ITPR3: variants seen among roughly 807,000 people sequenced by gnomAD.
ITPR3 encodes inositol 1,4,5-trisphosphate receptor type 3.
ITPR3 carries 173 observed loss-of-function variants against 293.2 expected under a neutral mutation model. That is an observed-to-expected ratio of 0.59 (90% CI 0.52 to 0.67). The LOEUF is 0.67. Ranked by LOEUF, ITPR3 falls within the 30% of genes least tolerant of loss-of-function variation. The pLI, the probability that ITPR3 is intolerant of heterozygous loss-of-function variation, is 0.00. For synonymous variants in ITPR3, 1,295 were observed against 1,444.4 expected, an observed-to-expected ratio of 0.90 and a Z score of 2.35; for missense variants, 2,796 against 3,592.1, an observed-to-expected ratio of 0.78 and a Z score of 5.66.
At chr6:33,640,702 C>T in intron 2 of ITPR3, 148 bp downstream of exon 2, 1 of 638,280 alleles carries the variant, frequency 1.6e-6, no homozygotes, top group Non-Finnish European at 2.6e-6. Context: ...GGCGGAATCC[C>T]CCTTGGCTTG....
Position 33,692,597 on chromosome 6 carries a change from C to A in ITPR3, c.7459-131C>A. 1 of 833,122 alleles carries A rather than the reference C, an allele frequency of 1.2e-6. No individual in the cohort carries two copies. The highest frequency in any genetic ancestry group is 1.9e-6 in the Non-Finnish European group (1 of 538,358). The allele number at this position is 833,122 out of a possible 1,614,324, so 51.6% of individuals were successfully genotyped here. On this transcript the variant is annotated intron_variant, in intron 54 of 57. Coordinates refer to ENST00000605930, the MANE Select transcript of ITPR3 (RefSeq NM_002224.4). The surrounding 1 kb of genome is among the most constrained non-coding windows in gnomAD (Gnocchi z 4.2). Reference sequence around the variant, plus strand: ...CTCTGCCATCTGATGGCCCCCAGGCCAGAGGCCCTCATTTCCTTCTGCTAG... The same window carrying A: ...CTCTGCCATCTGATGGCCCCCAGGCAAGAGGCCCTCATTTCCTTCTGCTAG...
rs149533315 is a variant in ITPR3, at chr6:33,688,176, G to A, written c.6375+9G>A. 1.4e-5 allele frequency: 23 copies of A among 1,614,052 alleles called. No homozygotes were observed. Among genetic ancestry groups the A allele is most frequent in the Middle Eastern group, 3.3e-4 (2 of 6,062 alleles). On this transcript the variant is annotated intron_variant, in intron 47 of 57. Coordinates refer to ENST00000605930, the MANE Select transcript of ITPR3 (RefSeq NM_002224.4). ...ACACGTCCCAGATCGAGGTGGGCCT[G>A]TGGGCAGCAGGGGCGGGCGTGGGAG... is the stretch of plus-strand genomic sequence containing the variant.
At chr6:33,639,261 C>A (rs1405109562) in intron 1 of ITPR3, among the ~76,000 whole-genome samples, 2 of 151,852 alleles carry the variant, frequency 1.3e-5, no homozygotes, top group Non-Finnish European at 2.9e-5. Context: ...TGCCTGTAAT[C>A]CAAGCTACTC....
chr6:33,629,859 G>A (rs1211180329), intron 1 of ITPR3, among the ~76,000 whole-genome samples: 1 of 151,946 alleles, frequency 6.6e-6, no homozygotes, highest in African/African-American at 2.4e-5. Context: ...TTGGGAGGCT[G>A]AGGCAGGCGG....
Position 33,675,317 on chromosome 6 carries a change from G to A in ITPR3, c.3117-374G>A, listed in dbSNP as rs1180228784. On this transcript the variant is annotated intron_variant, in intron 24 of 57. Transcript: ENST00000605930. The surrounding 1 kb of genome is among the most constrained non-coding windows in gnomAD (Gnocchi z 5.0). ...CACACTGGTAATTCCAGCTACTCAGGAGGCTGAAGCAGGAGAATCATTTGA... is the reference window on the plus strand; with the variant it reads ...CACACTGGTAATTCCAGCTACTCAGAAGGCTGAAGCAGGAGAATCATTTGA... 2.0e-5 allele frequency among the ~76,000 whole-genome samples: 3 copies of A among 152,144 alleles called. No homozygotes were observed. The East Asian group carries it at 5.8e-4, about 29-fold the overall frequency.
chr6:33,669,682 G>GATCAAAA (rs1480272754), intron 18 of ITPR3, among the ~76,000 whole-genome samples: 3 of 152,124 alleles, frequency 2.0e-5, no homozygotes, highest in Admixed American at 1.3e-4. Context: ...TTAAGCACTT[G>GATCAAAA]TCCTGATCCT....
intron 56 of ITPR3, 117 bp downstream of exon 56, chr6:33,693,822 T>A: frequency 8.3e-7 from 1 of 1,203,594 alleles, no homozygotes; most frequent in Non-Finnish European, 1.2e-6. Context: ...TGGAGAGGAG[T>A]GGCCCTATCT....
intron 1 of ITPR3, among the ~76,000 whole-genome samples, chr6:33,634,896 C>T (rs773479106): frequency 3.3e-5 from 5 of 152,056 alleles, no homozygotes; most frequent in Non-Finnish European, 7.4e-5. Flanking sequence ...GACAGGGACC[C>T]TCTGAGGAGG....
chr6:33,628,681 C>T lies in ITPR3; in HGVS notation c.89+6990C>T, dbSNP rs77239936. Among the ~76,000 whole-genome samples the T allele has an allele frequency of 4.6e-3, 693 of 152,274 alleles. 21 individuals carry two copies. The East Asian group carries it at 0.048, about 11-fold the overall frequency. On this transcript the variant is annotated intron_variant, in intron 1 of 57. Coordinates refer to ENST00000605930, the MANE Select transcript of ITPR3 (RefSeq NM_002224.4). ...CTTGGGGAGACAGTCAGGAGAGACT[C>T]ATTGCAGAGGCTTCAGTGAGGGAGT...
rs746909002 is a variant in ITPR3, at chr6:33,674,214, A to G, written c.3065A>G (p.Asn1022Ser). ...TAPAFDSTTA[N>S]MNLDRIGEQA... ...TCTGCCCCTCTCCCCACAGCTGCCA[A>G]CATGAACCTGGATCGCATCGGGGAG... The change falls in exon 24 of 58, where the codon AAC (asparagine) becomes AGC (serine). Residue 1022 changes from asparagine (N) to serine (S), a missense_variant. Around this residue, in one of 8 missense-constraint regions of ITPR3, gnomAD observed 955 missense variants for 1,180.8 expected, o/e 0.81. Transcript: ENST00000605930. The G allele has an allele frequency of 6.2e-7, 1 of 1,614,050 alleles. No individual in the cohort carries two copies. The highest frequency in any genetic ancestry group is 8.5e-7 in the Non-Finnish European group (1 of 1,179,938).
At chr6:33,690,314 G>C in intron 51 of ITPR3, 116 bp downstream of exon 51, 1 of 1,055,796 alleles carries the variant, frequency 9.5e-7, no homozygotes, top group Non-Finnish European at 1.4e-6. Context: ...TTGCTGCTGG[G>C]CTGGGAGCAG....
chr6:33,658,534 A>G lies in ITPR3; in HGVS notation c.370-136A>G. On this transcript the variant is annotated intron_variant, in intron 4 of 57. Coordinates refer to ENST00000605930, the MANE Select transcript of ITPR3 (RefSeq NM_002224.4). This position sits in a 1 kb window ranked among gnomAD's most constrained non-coding sequence, Gnocchi z 6.1. Reference sequence around the variant, plus strand: ...GTTGTGAATGTGGGTGTCAGCCTGTATGTTTGTGACAGGTGTCTGACACTA... The same window carrying G: ...GTTGTGAATGTGGGTGTCAGCCTGTGTGTTTGTGACAGGTGTCTGACACTA... The G allele has an allele frequency of 9.7e-7, 1 of 1,030,292 alleles. No homozygotes were observed. Among genetic ancestry groups the G allele is most frequent in the Non-Finnish European group, 1.4e-6 (1 of 691,110 alleles). The allele number at this position is 1,030,292 out of a possible 1,614,324, so 63.8% of individuals were successfully genotyped here. A position where few individuals can be genotyped will look rare whatever the true frequency, so the allele number is the denominator to read the frequency against.
chr6:33,663,757 G>A lies in ITPR3; in HGVS notation c.1025G>A (p.Gly342Asp), dbSNP rs567370834. The change falls in exon 11 of 58, where the codon GGC (glycine) becomes GAC (aspartate). Residue 342 changes from glycine to aspartate, a missense_variant. Coordinates refer to ENST00000605930, the MANE Select transcript of ITPR3 (RefSeq NM_002224.4). ...AAGMGAQGRT[G>D]RRNAGEKIKY... Reference sequence around the variant, plus strand: ...ATCCAGGGGGCACAGGGCCGCACAGGCCGCAGGAATGCTGGGGAGAAGATC... The same window carrying A: ...ATCCAGGGGGCACAGGGCCGCACAGACCGCAGGAATGCTGGGGAGAAGATC... 3.7e-6 allele frequency: 6 copies of A among 1,614,042 alleles called. No homozygotes were observed. In the African/African-American group the frequency reaches 6.7e-5, roughly 18 times the overall value.
At position 33,667,433 on chromosome 6, in the gene ITPR3, G is replaced by T; in HGVS notation, c.1713+143G>T. ...ACCAGACAGCAGGGCCGGGTTCATG[G>T]GAATGGGACCTGGCCCGGTGCTCAC... On this transcript the variant is annotated intron_variant, in intron 15 of 57. Coordinates refer to ENST00000605930, the MANE Select transcript of ITPR3 (RefSeq NM_002224.4). The surrounding 1 kb of genome is among the most constrained non-coding windows in gnomAD (Gnocchi z 4.4). 1 of 1,125,580 alleles carries T rather than the reference G, an allele frequency of 8.9e-7. No homozygotes were observed. 69.7% of individuals were successfully genotyped at this position (1,125,580 alleles called of 1,614,324 possible).
At position 33,692,906 on chromosome 6, in the gene ITPR3, T is replaced by A; in HGVS notation, c.7624+13T>A. On this transcript the variant is annotated intron_variant, in intron 55 of 57. Coordinates refer to ENST00000605930, the MANE Select transcript of ITPR3 (RefSeq NM_002224.4). The surrounding 1 kb of genome is among the most constrained non-coding windows in gnomAD (Gnocchi z 4.2). The stretch of plus-strand genomic sequence containing the variant: ...TGCTTCATCTGTGGTGAGGGCTGCT[T>A]CCTGCTCTGTGGAGGCCGCAGCGGG... 6.2e-7 allele frequency: 1 copy of A among 1,613,564 alleles called. No homozygotes were observed. Among genetic ancestry groups the A allele is most frequent in the Non-Finnish European group, 8.5e-7 (1 of 1,179,634 alleles).
chr6:33,682,582 C>A lies in ITPR3; in HGVS notation c.4535C>A (p.Pro1512Gln). Residue 1512 changes from proline to glutamine, a missense_variant, in exon 34 of 58, where the codon CCG becomes CAG. Transcript: ENST00000605930. This position sits in a 1 kb window ranked among gnomAD's most constrained non-coding sequence, Gnocchi z 5.4. ...TCTACCACACGCCTCCTCGAGTGTCCGTGGCTACAGCAGCAGCACAAGGGC... is the reference window on the plus strand; with the variant it reads ...TCTACCACACGCCTCCTCGAGTGTCAGTGGCTACAGCAGCAGCACAAGGGC... ...LQSTTRLLEC[P>Q]WLQQQHKGSV... 1 of 1,593,616 alleles carries A rather than the reference C, an allele frequency of 6.3e-7. No homozygotes were observed. Among genetic ancestry groups the A allele is most frequent in the South Asian group, 1.1e-5 (1 of 88,558 alleles).
rs1278111942 is a variant in ITPR3, at chr6:33,671,256, A to G, written c.2678A>G (p.Asp893Gly). The change falls in exon 21 of 58, where the codon GAC becomes GGC. Residue 893 changes from aspartate to glycine, a missense_variant. By Grantham distance (94) the Asp-to-Gly change is moderately conservative (BLOSUM62 -1). Around this residue, in one of 8 missense-constraint regions of ITPR3, gnomAD observed 955 missense variants for 1,180.8 expected, o/e 0.81. Transcript: ENST00000605930. ...ACTCGCACACTGCTGGGCATCATCG[A>G]CTGTGTGCAGGGGCCCCCGGCCATG... ...RLTRTLLGII[D>G]CVQGPPAMLQ... is the part of the protein sequence containing the mutation. 1 of 1,613,560 alleles carries G rather than the reference A, an allele frequency of 6.2e-7. No individual in the cohort carries two copies. The highest frequency in any genetic ancestry group is 8.5e-7 in the Non-Finnish European group (1 of 1,179,948).
chr6:33,695,379 T>A, intron 57 of ITPR3: 1 of 558,464 alleles, frequency 1.8e-6, no homozygotes, highest in Non-Finnish European at 3.2e-6. Context: ...TTTGAGGGGA[T>A]CCCCATCACT....
At position 33,669,023 on chromosome 6, in the gene ITPR3, G is replaced by C; in HGVS notation, c.2056G>C (p.Glu686Gln). The C allele has an allele frequency of 6.2e-7, 1 of 1,614,062 alleles. No individual in the cohort carries two copies. Among genetic ancestry groups the C allele is most frequent in the Non-Finnish European group, 8.5e-7 (1 of 1,179,948 alleles). Residue 686 changes from glutamate to glutamine, a missense_variant, in exon 18 of 58, where the codon GAG becomes CAG. Glu to Gln is a conservative substitution (Grantham distance 29). Transcript: ENST00000605930. ...CCAATCCCACGAGTACCTGAGCATC[G>C]AGTACTCAGAAGAGGAAGTGTGGCT... Reference protein sequence around the residue: ...MAQSHEYLSIEYSEEEVWLTW... With the variant: ...MAQSHEYLSIQYSEEEVWLTW...
Sources: gnomAD v4.1 joint callset for allele counts (sites outside exome capture counted in the v4.1 genomes callset) on GRCh38, gnomAD v4.1.1 for gene constraint, gnomAD v4.1.1 regional missense constraint, Gnocchi (gnomAD v3.1) non-coding constraint, MANE v1.5 for transcripts, NCBI Gene and HGNC (gene_info 2026-07-23, HGNC 2026-07-21) for gene names.